The following OR9Q1 variants were observed in gnomAD, a reference collection of about 807,000 sequenced individuals.
The protein encoded by OR9Q1 is olfactory receptor family 9 subfamily Q member 1, also known as olfactory receptor 9Q1.
For missense variants in OR9Q1, 374 were observed against 378.8 expected (o/e 0.99, Z 0.11); for synonymous variants, 153 against 148.6 (o/e 1.03, Z -0.22).
chr11:58,058,079 C>T (rs968014677), intron 2 of OR9Q1, among the ~76,000 whole-genome samples: 2 of 152,158 alleles, frequency 1.3e-5, no homozygotes, highest in Admixed American at 6.5e-5. Flanking sequence ...GTCTAAAGCT[C>T]ACAGAAAGCT....
At chr11:58,069,132 C>T (rs541667575) in intron 2 of OR9Q1, among the ~76,000 whole-genome samples, 1 of 151,852 alleles carries the variant, frequency 6.6e-6, no homozygotes, top group East Asian at 1.9e-4. Context: ...GACTGTTACT[C>T]AAGTGAGTCC....
chr11:58,159,631 T>A (rs1854439600), intron 2 of OR9Q1, among the ~76,000 whole-genome samples: 2 of 152,186 alleles, frequency 1.3e-5, no homozygotes, highest in Admixed American at 1.3e-4. Context: ...TTTGGCTTTG[T>A]GTGAAGAATT....
chr11:58,068,870 C>T (rs1853459815), intron 2 of OR9Q1, among the ~76,000 whole-genome samples: 1 of 152,022 alleles, frequency 6.6e-6, no homozygotes, highest in Non-Finnish European at 1.5e-5. Context: ...AAGGGAGCAC[C>T]AGGGAGCGGG....
intron 2 of OR9Q1, chr11:58,073,500 A>C (rs557267982): frequency 6.5e-6 from 1 of 153,108 alleles, no homozygotes; most frequent in African/African-American, 2.4e-5. Flanking sequence ...AGAACTTAGC[A>C]CACACTGTAC....
chr11:58,117,857 A>G (rs1853973258), intron 2 of OR9Q1: 1 of 152,150 alleles, frequency 6.6e-6, no homozygotes, highest in Non-Finnish European at 1.5e-5. Flanking sequence ...CAAAACCAGT[A>G]AGGTACCAAG....
intron 2 of OR9Q1, among the ~76,000 whole-genome samples, chr11:58,152,715 T>G (rs1223387610): frequency 6.6e-6 from 1 of 152,254 alleles, no homozygotes; most frequent in Non-Finnish European, 1.5e-5. Context: ...TTGATGTAGT[T>G]AGATTTATTC....
intron 2 of OR9Q1, among the ~76,000 whole-genome samples, chr11:58,161,547 C>CTTT (rs1854457777): frequency 8.2e-6 from 1 of 121,748 alleles, no homozygotes; most frequent in Non-Finnish European, 1.8e-5. Context: ...CAGGCTTATT[C>CTTT]TGTTTTTTTT....
chr11:58,093,811 G>A (rs1431104354), intron 2 of OR9Q1, among the ~76,000 whole-genome samples: 3 of 150,804 alleles, frequency 2.0e-5, no homozygotes, highest in African/African-American at 7.3e-5. Context: ...ATTGGCAAGG[G>A]TGCAGAGAAA....
At chr11:58,082,848 G>T (rs111467745) in intron 2 of OR9Q1, among the ~76,000 whole-genome samples, 19,266 of 148,782 alleles carry the variant, frequency 0.13, 1,497 homozygotes, top group South Asian at 0.2. Flanking sequence ...ACAATGTGCA[G>T]GTTAGTTATA....
chr11:58,150,095 A>G (rs1440465727), intron 2 of OR9Q1, among the ~76,000 whole-genome samples: 1 of 152,222 alleles, frequency 6.6e-6, no homozygotes, highest in African/African-American at 2.4e-5. Flanking sequence ...GCAATATATA[A>G]GAGTTCTAAG....
chr11:58,136,013 G>A (rs1275051193), intron 2 of OR9Q1, among the ~76,000 whole-genome samples: 1 of 152,156 alleles, frequency 6.6e-6, no homozygotes, highest in Non-Finnish European at 1.5e-5. Flanking sequence ...ATTAAATCCT[G>A]CTGGACTTTC....
At chr11:58,141,811 T>C (rs1854252655) in intron 2 of OR9Q1, among the ~76,000 whole-genome samples, 2 of 152,126 alleles carry the variant, frequency 1.3e-5, no homozygotes, top group Non-Finnish European at 1.5e-5. Context: ...CTATATATAT[T>C]TGTGGGATTC....
At chr11:58,089,749 G>GACT (rs1401581860) in intron 2 of OR9Q1, among the ~76,000 whole-genome samples, 2 of 151,880 alleles carry the variant, frequency 1.3e-5, no homozygotes, top group Non-Finnish European at 2.9e-5. Context: ...TGGGCAGTAT[G>GACT]ACTATTGTTG....
chr11:58,134,489 A>G (rs1854172496), intron 2 of OR9Q1, among the ~76,000 whole-genome samples: 1 of 152,150 alleles, frequency 6.6e-6, no homozygotes, highest in Non-Finnish European at 1.5e-5. Context: ...AAGGCAGGTG[A>G]GTGGAACTGT....
intron 2 of OR9Q1, chr11:58,171,128 T>C (rs964429690): frequency 2.0e-5 from 3 of 152,216 alleles, no homozygotes; most frequent in Non-Finnish European, 4.4e-5. Flanking sequence ...TAGATAGTAA[T>C]AGATTTTCAG....
intron 2 of OR9Q1, among the ~76,000 whole-genome samples, chr11:58,146,749 T>C (rs1030656614): frequency 1.3e-5 from 2 of 152,184 alleles, no homozygotes; most frequent in Non-Finnish European, 2.9e-5. Flanking sequence ...AAGTATGCCA[T>C]AGTCATGGGT....
chr11:58,155,783 A>G (rs1194405902), intron 2 of OR9Q1, among the ~76,000 whole-genome samples: 1 of 152,230 alleles, frequency 6.6e-6, no homozygotes, highest in Non-Finnish European at 1.5e-5. Context: ...ATATCAGCTC[A>G]GACACAAGTG....
At chr11:58,102,255 ACCCTTTTT>A (rs1565076125) in intron 2 of OR9Q1, among the ~76,000 whole-genome samples, 1 of 374 alleles carries the variant, frequency 2.7e-3, no homozygotes, top group Non-Finnish European at 8.8e-3. Context: ...TGTTTTGTAT[ACCCTTTTT>A]ACCCTTTTTA....
intron 1 of OR9Q1, among the ~76,000 whole-genome samples, chr11:58,048,496 CAAAAAAAAA>C (rs11335783): frequency 8.1e-6 from 1 of 123,472 alleles, no homozygotes; most frequent in Admixed American, 8.4e-5. Flanking sequence ...ACTAAAAATA[CAAAAAAAAA>C]AAAAAAAATA....
Sources: gnomAD v4.1 joint callset for allele counts (sites outside exome capture counted in the v4.1 genomes callset) on GRCh38, gnomAD v4.1.1 for gene constraint, MANE v1.5 for transcripts, NCBI Gene and HGNC (gene_info 2026-07-23, HGNC 2026-07-21) for gene names.